Variants in ANGEL1 observed in about 807,000 individuals in gnomAD.
The protein encoded by ANGEL1 is RNA 2',3'-cyclic phosphatase ANGEL1.
A neutral mutation model predicts 76.4 loss-of-function variants in ANGEL1; 62 were observed. That is an observed-to-expected ratio of 0.81 (90% CI 0.66 to 1.00). The LOEUF (loss-of-function observed/expected upper bound fraction) is 1.00. ANGEL1 is among the 50% of genes least tolerant of loss of function. The pLI is 0.00. For missense variants in ANGEL1, 737 were observed against 836.7 expected, an observed-to-expected ratio of 0.88 and a Z score of 1.47; for synonymous variants, 340 against 331.7, an observed-to-expected ratio of 1.03 and a Z score of -0.27.
Position 76,809,247 on chromosome 14 carries a change from G to C in ANGEL1, c.461C>G (p.Ser154Trp), listed in dbSNP as rs540780735. ...GSMWAAIPMQ[S>W]EPQYADCAAL... ...AGCACAGTCTGCATACTGGGGCTCC[G>C]ACTGCATGGGGATAGCTGCCCACAT... is the stretch of plus-strand genomic sequence containing the variant. The change falls in exon 2 of 10, where the codon TCG becomes TGG. Residue 154 changes from serine to tryptophan, a missense_variant. Physicochemically the swap from Ser to Trp is radical, Grantham distance 177. Around this residue, in one of 2 missense-constraint regions of ANGEL1, gnomAD observed 441 missense variants for 449.5 expected, o/e 0.98. Transcript: ENST00000251089. The C allele has an allele frequency of 6.2e-7, 1 of 1,613,054 alleles. No individual in the cohort carries two copies. The highest frequency in any genetic ancestry group is 8.5e-7 in the Non-Finnish European group (1 of 1,179,474).
chr14:76,799,277 CCTTTTTTTTTT>C (rs1894681045), intron 7 of ANGEL1, among the ~76,000 whole-genome samples: 1 of 87,584 alleles, frequency 1.1e-5, no homozygotes, highest in African/African-American at 4.1e-5. Context: ...TTCATGGCCT[CCTTTTTTTTTT>C]TTTTTTTTTT....
chr14:76,809,955 C>T lies in ANGEL1; in HGVS notation c.65-312G>A, dbSNP rs187816986. 1.5e-4 allele frequency: 66 copies of T among 428,312 alleles called. 1 individual carries two copies. The East Asian group carries it at 2.3e-3, about 15-fold the overall frequency. 26.5% of individuals were successfully genotyped at this position (428,312 alleles called of 1,614,324 possible). A position where few individuals can be genotyped will look rare whatever the true frequency, so the allele number is the denominator to read the frequency against. On this transcript the variant is annotated intron_variant, in intron 1 of 9. Coordinates refer to ENST00000251089, the MANE Select transcript of ANGEL1 (RefSeq NM_015305.4). ...ACAGATGGGCACATATACCCACACT[C>T]CTTTTACATGACTTAGTTAAGACTA...
intron 4 of ANGEL1, 47 bp downstream of exon 4, chr14:76,807,386 A>G: frequency 6.4e-7 from 1 of 1,565,698 alleles, no homozygotes; most frequent in Non-Finnish European, 8.7e-7. Flanking sequence ...AGAGTAGACA[A>G]GTCTGTGGAA....
chr14:76,805,859 C>G (rs1894903005), intron 5 of ANGEL1, among the ~76,000 whole-genome samples: 1 of 152,250 alleles, frequency 6.6e-6, no homozygotes, highest in African/African-American at 2.4e-5. Context: ...CAAATTACTT[C>G]ACTTTTCTGA....
chr14:76,811,111 T>A (rs1895069990), intron 1 of ANGEL1, among the ~76,000 whole-genome samples: 1 of 152,214 alleles, frequency 6.6e-6, no homozygotes, highest in Non-Finnish European at 1.5e-5. Flanking sequence ...GACACTGTTG[T>A]TGTCACAACT....
chr14:76,811,163 G>T (rs1388434234), intron 1 of ANGEL1, among the ~76,000 whole-genome samples: 1 of 152,120 alleles, frequency 6.6e-6, no homozygotes, highest in Non-Finnish European at 1.5e-5. Context: ...GGACAGAGAC[G>T]CTGCTGAACT....
chr14:76,806,846 A>G lies in ANGEL1; in HGVS notation c.950T>C (p.Phe317Ser). ...QLEPSLRMMG[F>S]TCFYKRRTGC... is the part of the protein sequence containing the mutation. ...AGTCCTCCTCTTGTAGAAACAGGTA[A>G]AGCCTGCAAGGAAAATCCCACCAAA... The change falls in exon 5 of 10, where the codon TTT becomes TCT. Residue 317 changes from phenylalanine to serine, a missense_variant. By Grantham distance (155) the Phe-to-Ser change is radical (BLOSUM62 -2). Coordinates refer to ENST00000251089, the MANE Select transcript of ANGEL1 (RefSeq NM_015305.4). The G allele has an allele frequency of 1.9e-6, 3 of 1,611,076 alleles. No individual in the cohort carries two copies. The highest frequency in any genetic ancestry group is 2.5e-6 in the Non-Finnish European group (3 of 1,178,224).
intron 1 of ANGEL1, chr14:76,810,203 C>T (rs965834078): frequency 4.4e-6 from 2 of 454,598 alleles, no homozygotes; most frequent in Non-Finnish European, 8.8e-6. Context: ...AGCAGGATCA[C>T]TTGAGGCCAG....
intron 5 of ANGEL1, 147 bp downstream of exon 5, chr14:76,806,269 G>A: frequency 1.2e-6 from 1 of 821,578 alleles, no homozygotes; most frequent in Non-Finnish European, 1.8e-6. Flanking sequence ...CCAGGCTTGG[G>A]TACAAGCTAT....
intron 7 of ANGEL1, among the ~76,000 whole-genome samples, chr14:76,793,783 T>A (rs779044609): frequency 1.1e-4 from 17 of 152,048 alleles, no homozygotes; most frequent in Non-Finnish European, 1.8e-4. Flanking sequence ...ATCCTAAATA[T>A]ACTGTTTTTT....
chr14:76,812,827 T>TGGCC lies in ANGEL1; in HGVS notation c.-4_-1dup, dbSNP rs1555362036. The TGGCC allele has an allele frequency of 2.0e-6, 3 of 1,511,686 alleles. No homozygotes were observed. The highest frequency in any genetic ancestry group is 1.2e-5 in the South Asian group (1 of 81,190). 93.6% of individuals were successfully genotyped at this position (1,511,686 alleles called of 1,614,324 possible). ...AGGTAACACAAGCACGACGCGATCATGGCCGGCCGCCCGCGCCCGCCTCCG... is the reference window on the plus strand; with the variant it reads ...AGGTAACACAAGCACGACGCGATCATGGCCGGCCGGCCGCCCGCGCCCGCCTCCG... On this transcript the variant is annotated 5_prime_UTR_variant, in exon 1 of 10. Coordinates refer to ENST00000251089, the MANE Select transcript of ANGEL1 (RefSeq NM_015305.4).
intron 1 of ANGEL1, among the ~76,000 whole-genome samples, chr14:76,810,946 A>G (rs572285655): frequency 1.4e-4 from 21 of 152,304 alleles, no homozygotes; most frequent in Non-Finnish European, 2.8e-4. Flanking sequence ...TTTTATTGGC[A>G]ATTTTTTTTT....
intron 4 of ANGEL1, 98 bp downstream of exon 4, chr14:76,807,335 G>A (rs759933163): frequency 4.9e-6 from 6 of 1,230,954 alleles, no homozygotes; most frequent in Admixed American, 2.1e-5. Context: ...GTGAAACTGA[G>A]GGTTTACTAA....
In ANGEL1 at chr14:76,806,482, AG is replaced by A; in HGVS notation, c.1313del (p.Pro438LeufsTer89). 4.3e-6 allele frequency: 7 copies of A among 1,614,174 alleles called. No individual in the cohort carries two copies. Among genetic ancestry groups the A allele is most frequent in the Non-Finnish European group, 5.9e-6 (7 of 1,180,024 alleles). ...IILCGDLNSVPDSPLYNFIRD... is the reference protein window; with the variant it reads ...IILCGDLNSVXDSPLYNFIRD... ...TGATGAAGTTGTAGAGAGGTGAATC[AG>A]GGACAGAATTTAGGTCCCCGCACAA... On this transcript the variant is annotated frameshift_variant, in exon 5 of 10. Transcript: ENST00000251089. LOFTEE classifies it high-confidence loss of function.
chr14:76,790,575 C>CTGGG, intron 9 of ANGEL1, 36 bp downstream of exon 9: 2 of 1,579,034 alleles, frequency 1.3e-6, no homozygotes, highest in Non-Finnish European at 1.7e-6. Context: ...TCCCAGGGAC[C>CTGGG]TGGGGGTGGA....
In ANGEL1 at chr14:76,786,819, G is replaced by C. The variant is rs929415768; in HGVS notation, c.*2409C>G. On this transcript the variant is annotated 3_prime_UTR_variant, in exon 10 of 10. Coordinates refer to ENST00000251089, the MANE Select transcript of ANGEL1 (RefSeq NM_015305.4). ...GCTCAGCAAGAGGCATGTGCCACCCGCATCATGTCTCATGCAGCTGCCATA... is the reference window on the plus strand; with the variant it reads ...GCTCAGCAAGAGGCATGTGCCACCCCCATCATGTCTCATGCAGCTGCCATA... The C allele has an allele frequency of 6.6e-6, 1 of 152,222 alleles. No individual in the cohort carries two copies. Among genetic ancestry groups the C allele is most frequent in the Non-Finnish European group, 1.5e-5 (1 of 68,070 alleles). The allele number at this position is 152,222 out of a possible 1,614,324, so 9.4% of individuals were successfully genotyped here. A position where few individuals can be genotyped will look rare whatever the true frequency, so the allele number is the denominator to read the frequency against.
chr14:76,794,350 A>G (rs1210469638), intron 7 of ANGEL1, among the ~76,000 whole-genome samples: 1 of 152,178 alleles, frequency 6.6e-6, no homozygotes, highest in Non-Finnish European at 1.5e-5. Context: ...ACTTCACGCC[A>G]ATATATCTGA....
Position 76,791,380 on chromosome 14 carries a change from G to C in ANGEL1, c.1619-14C>G, listed in dbSNP as rs771569886. On this transcript the variant is annotated splice_polypyrimidine_tract_variant and intron_variant, in intron 7 of 9. Coordinates refer to ENST00000251089, the MANE Select transcript of ANGEL1 (RefSeq NM_015305.4). ...CCGCAGGTCGCTCTGCAGAGGACCAGAGAGAAAAACATTTTCTCATCCACA... is the reference window on the plus strand; with the variant it reads ...CCGCAGGTCGCTCTGCAGAGGACCACAGAGAAAAACATTTTCTCATCCACA... The C allele has an allele frequency of 3.7e-6, 6 of 1,613,134 alleles. No homozygotes were observed. In the African/African-American group the frequency reaches 4.0e-5, roughly 11 times the overall value.
At chr14:76,791,864 T>C (rs909237394) in intron 7 of ANGEL1, among the ~76,000 whole-genome samples, 14 of 152,238 alleles carry the variant, frequency 9.2e-5, no homozygotes, top group African/African-American at 3.4e-4. Flanking sequence ...TATACATCTA[T>C]AAGCACACAC....
Sources: gnomAD v4.1 joint callset for allele counts (sites outside exome capture counted in the v4.1 genomes callset) on GRCh38, gnomAD v4.1.1 for gene constraint, gnomAD v4.1.1 regional missense constraint, MANE v1.5 for transcripts, NCBI Gene and HGNC (gene_info 2026-07-23, HGNC 2026-07-21) for gene names.